Variants in MACROD2 observed in about 807,000 individuals in gnomAD.
MACROD2 encodes ADP-ribose glycohydrolase MACROD2.
In MACROD2, 36 loss-of-function variants were observed where a neutral mutation model predicts 70.4. The ratio of observed to expected loss-of-function variants is 0.51; its 90% confidence interval spans 0.39 to 0.68. MACROD2 has a LOEUF of 0.68. MACROD2 is among the 30% of genes least tolerant of loss of function. The pLI is 0.00. For missense variants in MACROD2, 496 were observed against 538.4 expected, an observed-to-expected ratio of 0.92 and a Z score of 0.78; for synonymous variants, 172 against 178.8, an observed-to-expected ratio of 0.96 and a Z score of 0.30.
At chr20:15,528,196 A>G (rs896981813) in intron 8 of MACROD2, among the ~76,000 whole-genome samples, 1 of 152,048 alleles carries the variant, frequency 6.6e-6, no homozygotes, top group African/African-American at 2.4e-5. Flanking sequence ...GTGCAGTGGC[A>G]TGATCTTGGC....
chr20:15,079,071 A>G (rs1249891072), intron 5 of MACROD2, among the ~76,000 whole-genome samples: 1 of 152,182 alleles, frequency 6.6e-6, no homozygotes, highest in Non-Finnish European at 1.5e-5. Flanking sequence ...GATGAAAGAA[A>G]GATGACCTCC....
chr20:14,357,937 A>G (rs2083188471), intron 3 of MACROD2, among the ~76,000 whole-genome samples: 1 of 152,190 alleles, frequency 6.6e-6, no homozygotes, highest in African/African-American at 2.4e-5. Context: ...ATCTCACACA[A>G]AGTCATCTCT....
At chr20:14,790,651 G>A (rs2123801276) in intron 5 of MACROD2, among the ~76,000 whole-genome samples, 1 of 152,174 alleles carries the variant, frequency 6.6e-6, no homozygotes, top group South Asian at 2.1e-4. Context: ...TACCTGTTAT[G>A]CATCCCCTTA....
intron 8 of MACROD2, among the ~76,000 whole-genome samples, chr20:15,604,209 G>A (rs2048862460): frequency 6.6e-6 from 1 of 152,174 alleles, no homozygotes; most frequent in African/African-American, 2.4e-5. Context: ...CAGAGTTTTG[G>A]CATCCACAAA....
chr20:14,461,048 C>T (rs2084364071), intron 3 of MACROD2, among the ~76,000 whole-genome samples: 1 of 151,800 alleles, frequency 6.6e-6, no homozygotes, highest in African/African-American at 2.4e-5. Context: ...GTGAATCTGT[C>T]TGGTCCTGGG....
intron 6 of MACROD2, among the ~76,000 whole-genome samples, chr20:15,329,356 A>G (rs1475203828): frequency 6.6e-6 from 1 of 152,090 alleles, no homozygotes; most frequent in East Asian, 1.9e-4. Context: ...TGGAGATCTC[A>G]GTCTACATGA....
intron 3 of MACROD2, among the ~76,000 whole-genome samples, chr20:14,433,265 A>G (rs2084016452): frequency 1.3e-5 from 2 of 152,220 alleles, no homozygotes; most frequent in Non-Finnish European, 2.9e-5. Context: ...AAACACATTC[A>G]TAACAAAGCC....
At chr20:14,619,435 G>A (rs1323746672) in intron 4 of MACROD2, among the ~76,000 whole-genome samples, 1 of 75,962 alleles carries the variant, frequency 1.3e-5, no homozygotes, top group Non-Finnish European at 2.7e-5. Context: ...GGAAGGAAGG[G>A]AGGGAGGGAG....
chr20:15,901,571 A>C (rs867742882), intron 10 of MACROD2, among the ~76,000 whole-genome samples: 1 of 152,210 alleles, frequency 6.6e-6, no homozygotes, highest in Non-Finnish European at 1.5e-5. Context: ...TCATGTCTAC[A>C]AAATGCCCAT....
At chr20:14,001,606 T>TA (rs539623539) in intron 1 of MACROD2, among the ~76,000 whole-genome samples, 17 of 151,774 alleles carry the variant, frequency 1.1e-4, no homozygotes, top group Non-Finnish European at 1.8e-4. Flanking sequence ...AGTAATTTAT[T>TA]AAAAAAAAGA....
chr20:15,694,121 G>A (rs1308759991), intron 8 of MACROD2, among the ~76,000 whole-genome samples: 3 of 152,088 alleles, frequency 2.0e-5, no homozygotes, highest in Non-Finnish European at 4.4e-5. Flanking sequence ...TTGATTGATG[G>A]GCATTTTGGT....
At chr20:14,821,121 A>G (rs2072839429) in intron 5 of MACROD2, among the ~76,000 whole-genome samples, 1 of 152,104 alleles carries the variant, frequency 6.6e-6, no homozygotes, top group Non-Finnish European at 1.5e-5. Context: ...GATGCCTTTC[A>G]TATGAAATGT....
intron 4 of MACROD2, among the ~76,000 whole-genome samples, chr20:14,587,552 T>G (rs111987122): frequency 2.6e-5 from 4 of 151,838 alleles, no homozygotes; most frequent in African/African-American, 9.6e-5. Context: ...GAAATCTTTT[T>G]CAGATTAAGT....
chr20:14,565,084 A>G (rs905859025), intron 4 of MACROD2, among the ~76,000 whole-genome samples: 9 of 152,016 alleles, frequency 5.9e-5, no homozygotes, highest in African/African-American at 1.9e-4. Flanking sequence ...ACTCAGAAAC[A>G]GAAAGTCAAA....
chr20:15,301,759 T>C (rs577347651), intron 6 of MACROD2, among the ~76,000 whole-genome samples: 4 of 152,164 alleles, frequency 2.6e-5, no homozygotes, highest in African/African-American at 9.6e-5. Flanking sequence ...AGAAGTGATT[T>C]GTCTTTCAGA....
At chr20:15,579,643 G>A (rs749361336) in intron 8 of MACROD2, among the ~76,000 whole-genome samples, 1 of 152,110 alleles carries the variant, frequency 6.6e-6, no homozygotes, top group Non-Finnish European at 1.5e-5. Context: ...TCATACATGT[G>A]TACTTAAAAA....
At chr20:14,887,051 T>C (rs990235012) in intron 5 of MACROD2, among the ~76,000 whole-genome samples, 1 of 152,154 alleles carries the variant, frequency 6.6e-6, no homozygotes, top group Non-Finnish European at 1.5e-5. Flanking sequence ...CACTTCCATT[T>C]TGGCCCATTA....
chr20:14,573,588 T>C (rs916640263), intron 4 of MACROD2, among the ~76,000 whole-genome samples: 7 of 151,854 alleles, frequency 4.6e-5, no homozygotes, highest in African/African-American at 1.7e-4. Context: ...ATTTTTTTTT[T>C]CAGATATACT....
chr20:14,074,503 A>C (rs570438207), intron 2 of MACROD2, among the ~76,000 whole-genome samples: 2 of 152,302 alleles, frequency 1.3e-5, no homozygotes, highest in East Asian at 3.9e-4. Context: ...ACAGATATTC[A>C]TACTTAAGAT....
Sources: gnomAD v4.1 joint callset for allele counts (sites outside exome capture counted in the v4.1 genomes callset) on GRCh38, gnomAD v4.1.1 for gene constraint, MANE v1.5 for transcripts, NCBI Gene and HGNC (gene_info 2026-07-23, HGNC 2026-07-21) for gene names.